PHF2: variants seen among roughly 807,000 people sequenced by gnomAD.
The protein encoded by PHF2 is PHD finger protein 2, also known as lysine-specific demethylase PHF2.
In PHF2, 27 loss-of-function variants were observed where a neutral mutation model predicts 120.5. The observed-to-expected ratio is 0.22, with a 90% CI of 0.17 to 0.31. The LOEUF (loss-of-function observed/expected upper bound fraction) is 0.31. PHF2 is among the 10% of genes least tolerant of loss of function. The pLI is 1.00. For synonymous variants in PHF2, 568 were observed against 592.5 expected, an observed-to-expected ratio of 0.96 and a Z score of 0.60; for missense variants, 1,024 against 1,434.8, an observed-to-expected ratio of 0.71 and a Z score of 4.63.
chr9:93,648,031 A>T (rs764111324), intron 4 of PHF2, among the ~76,000 whole-genome samples: 32 of 152,338 alleles, frequency 2.1e-4, no homozygotes, highest in Admixed American at 8.5e-4. Flanking sequence ...GGTGGCACGT[A>T]AGACCCAGTT....
chr9:93,629,835 G>T, intron 1 of PHF2, 135 bp from the exon 2 acceptor site: 1 of 803,078 alleles, frequency 1.2e-6, no homozygotes, highest in Non-Finnish European at 2.1e-6. Context: ...GTAGAACACT[G>T]TCCCTGCACA....
At chr9:93,635,697 T>C (rs1238778463) in intron 2 of PHF2, among the ~76,000 whole-genome samples, 1 of 152,172 alleles carries the variant, frequency 6.6e-6, no homozygotes, top group Non-Finnish European at 1.5e-5. Context: ...TGTACATATG[T>C]GTGTGCCTGC....
At chr9:93,673,368 A>G (rs34103739) in intron 17 of PHF2, among the ~76,000 whole-genome samples, 51,171 of 151,996 alleles carry the variant, frequency 0.34, 9,067 homozygotes, top group Non-Finnish European at 0.39. Flanking sequence ...TCCCTGTGGC[A>G]TATGGGTGGA....
chr9:93,628,816 G>T (rs1207970524), intron 1 of PHF2, among the ~76,000 whole-genome samples: 1 of 152,138 alleles, frequency 6.6e-6, no homozygotes, highest in East Asian at 1.9e-4. Context: ...GAGTTGTCTG[G>T]ACCTGTGCCC....
chr9:93,601,146 A>T (rs1825431483), intron 1 of PHF2, among the ~76,000 whole-genome samples: 1 of 152,138 alleles, frequency 6.6e-6, no homozygotes, highest in African/African-American at 2.4e-5. Context: ...TATTATCCTT[A>T]CTTCCCCTGC....
chr9:93,606,442 T>C (rs561791684), intron 1 of PHF2, among the ~76,000 whole-genome samples: 1 of 152,318 alleles, frequency 6.6e-6, no homozygotes, highest in African/African-American at 2.4e-5. Flanking sequence ...TTGTTTTAAT[T>C]TGCATTTCCC....
intron 1 of PHF2, among the ~76,000 whole-genome samples, chr9:93,621,882 C>A (rs1394669532): frequency 6.6e-6 from 1 of 152,200 alleles, no homozygotes; most frequent in East Asian, 1.9e-4. Context: ...GGCCTTTGGA[C>A]AGGGCAGTTC....
rs192016644 is a variant in PHF2 at position 93,667,359 on chromosome 9, G to A, written c.2348+119G>A. 1,149 of 1,218,088 alleles carry A rather than the reference G, an allele frequency of 9.4e-4. 2 individuals carry two copies. The highest frequency in any genetic ancestry group is 3.1e-3 in the South Asian group (219 of 69,682). 75.5% of individuals were successfully genotyped at this position (1,218,088 alleles called of 1,614,324 possible). A position where few individuals can be genotyped will look rare whatever the true frequency, so the allele number is the denominator to read the frequency against. On this transcript the variant is annotated intron_variant, in intron 17 of 21. Coordinates refer to ENST00000359246, the MANE Select transcript of PHF2 (RefSeq NM_005392.4). ...GCACAGCTGGAGCCAGTGCTGAGCC[G>A]CCCCTGGGCCTGGGCAGAAGGGCAC...
intron 17 of PHF2, chr9:93,670,931 T>G (rs1165710073): frequency 2.2e-6 from 2 of 905,236 alleles, no homozygotes; most frequent in Admixed American, 1.2e-4. Flanking sequence ...CCTGGGAGTC[T>G]GTGTGGAGCC....
chr9:93,614,202 A>C (rs1411534628), intron 1 of PHF2, among the ~76,000 whole-genome samples: 1 of 152,180 alleles, frequency 6.6e-6, no homozygotes, highest in Non-Finnish European at 1.5e-5. Context: ...ACAAATTGAG[A>C]AGTTAAAGCA....
At chr9:93,668,841 G>A (rs1826730077) in intron 17 of PHF2, among the ~76,000 whole-genome samples, 1 of 152,256 alleles carries the variant, frequency 6.6e-6, no homozygotes, top group Admixed American at 6.5e-5. Flanking sequence ...GCCCCCCTCA[G>A]CCCGCTGCAG....
chr9:93,638,919 C>T (rs13289575), intron 3 of PHF2, among the ~76,000 whole-genome samples: 5,047 of 152,236 alleles, frequency 0.033, 137 homozygotes, highest in Middle Eastern at 0.065. Context: ...AGGGTTTCAC[C>T]ATGTTGGCCA....
In PHF2 at chr9:93,667,193, G is replaced by A. The variant is rs766685456; in HGVS notation, c.2301G>A (p.Leu767=). The part of the protein sequence containing the change: ...SGSSAAGILD[L]LQASEEVGAL... Reference sequence around the variant, plus strand: ...GCTCGGCAGCTGGCATCTTGGACCTGCTGCAGGCCAGTGAGGAGGTTGGCG... The same window carrying A: ...GCTCGGCAGCTGGCATCTTGGACCTACTGCAGGCCAGTGAGGAGGTTGGCG... The change falls in exon 17 of 22, where the codon CTG becomes CTA. Residue 767 remains leucine (L), a synonymous_variant. Coordinates refer to ENST00000359246, the MANE Select transcript of PHF2 (RefSeq NM_005392.4). 2 of 1,612,766 alleles carry A rather than the reference G, an allele frequency of 1.2e-6. No homozygotes were observed. The highest frequency in any genetic ancestry group is 2.2e-5 in the East Asian group (1 of 44,842).
chr9:93,583,430 G>A (rs1862970553), intron 1 of PHF2, among the ~76,000 whole-genome samples: 1 of 152,140 alleles, frequency 6.6e-6, no homozygotes, highest in Non-Finnish European at 1.5e-5. Flanking sequence ...ATATACTTGG[G>A]AATGGAATTG....
chr9:93,630,786 C>T (rs1404734628), intron 2 of PHF2, among the ~76,000 whole-genome samples: 2 of 152,108 alleles, frequency 1.3e-5, no homozygotes, highest in African/African-American at 4.8e-5. Flanking sequence ...GGGGTGTGGC[C>T]TGTAGACAGG....
chr9:93,629,009 A>G (rs1226038808), intron 1 of PHF2, among the ~76,000 whole-genome samples: 2 of 151,610 alleles, frequency 1.3e-5, no homozygotes, highest in Admixed American at 6.6e-5. Context: ...CAATACTCCC[A>G]CCTCAGCCTC....
At chr9:93,670,215 C>G (rs1826757229) in intron 17 of PHF2, among the ~76,000 whole-genome samples, 1 of 152,224 alleles carries the variant, frequency 6.6e-6, no homozygotes, top group South Asian at 2.1e-4. Flanking sequence ...CCGTGTGCCC[C>G]AAGTATGGGC....
At chr9:93,584,604 T>G (rs1863000961) in intron 1 of PHF2, among the ~76,000 whole-genome samples, 1 of 152,256 alleles carries the variant, frequency 6.6e-6, no homozygotes, top group Admixed American at 6.5e-5. Flanking sequence ...GGTCTATATG[T>G]GTCTCCTTAT....
intron 1 of PHF2, among the ~76,000 whole-genome samples, chr9:93,623,025 A>G (rs915318750): frequency 1.3e-5 from 2 of 152,182 alleles, no homozygotes; most frequent in Admixed American, 6.5e-5. Context: ...CTGTGCCTTC[A>G]TCTGCTCCAG....
Sources: gnomAD v4.1 joint callset for allele counts (sites outside exome capture counted in the v4.1 genomes callset) on GRCh38, gnomAD v4.1.1 for gene constraint, MANE v1.5 for transcripts, NCBI Gene and HGNC (gene_info 2026-07-23, HGNC 2026-07-21) for gene names.